The following BAG4 variants were observed in gnomAD, a reference collection of about 807,000 sequenced individuals.
The protein encoded by BAG4 is BAG cochaperone 4.
A neutral mutation model predicts 52.1 loss-of-function variants in BAG4; 28 were observed. That is an observed-to-expected ratio of 0.54 (90% CI 0.40 to 0.74). BAG4 has a LOEUF of 0.74. Ranked by LOEUF, BAG4 falls within the 30% of genes least tolerant of loss-of-function variation. BAG4 has a pLI of 0.00. For missense variants in BAG4, 525 were observed against 572.0 expected (o/e 0.92, Z 0.84); for synonymous variants, 208 against 217.0 (o/e 0.96, Z 0.37).
rs559343703 is a variant in BAG4, at chr8:38,194,582, A to C, written c.378+1787A>C. On this transcript the variant is annotated intron_variant, in intron 2 of 4. Coordinates refer to ENST00000287322, the MANE Select transcript of BAG4 (RefSeq NM_004874.4). ...AGGTGTCTGCCACCATGCCCGGCTA[A>C]TTTTTGTATTTTTAATAGAGATGGG... is the stretch of plus-strand genomic sequence containing the variant. 2.9e-4 allele frequency among the ~76,000 whole-genome samples: 43 copies of C among 149,682 alleles called. No homozygotes were observed. The South Asian group carries it at 3.2e-3, about 11-fold the overall frequency.
chr8:38,185,401 G>A (rs1803348467), intron 1 of BAG4, among the ~76,000 whole-genome samples: 1 of 152,070 alleles, frequency 6.6e-6, no homozygotes, highest in South Asian at 2.1e-4. Flanking sequence ...TAACAATAAT[G>A]TATAAAATAA....
intron 1 of BAG4, among the ~76,000 whole-genome samples, chr8:38,184,009 A>T (rs1197055440): frequency 6.6e-6 from 1 of 152,224 alleles, no homozygotes; most frequent in Non-Finnish European, 1.5e-5. Flanking sequence ...CAGAAACCAC[A>T]CTAGTTAGAA....
chr8:38,209,380 G>C, intron 4 of BAG4, 113 bp downstream of exon 4: 1 of 1,423,024 alleles, frequency 7.0e-7, no homozygotes, highest in Non-Finnish European at 9.5e-7. Context: ...ACAAAAAGTT[G>C]GTGACTACTT....
At position 38,212,545 on chromosome 8, in the gene BAG4, G is replaced by A. The variant is rs886976079; in HGVS notation, c.*2052G>A. ...CTAACTAAAGTAGAAAGTTTAAAAA[G>A]TAGAGATTTTAGTCTTTTCACTAAT... On this transcript the variant is annotated 3_prime_UTR_variant, in exon 5 of 5. Transcript: ENST00000287322. 5 of 152,160 alleles carry A rather than the reference G, an allele frequency of 3.3e-5. No individual in the cohort carries two copies. Among genetic ancestry groups the A allele is most frequent in the Non-Finnish European group, 7.4e-5 (5 of 68,014 alleles). 9.4% of individuals were successfully genotyped at this position (152,160 alleles called of 1,614,324 possible).
At chr8:38,183,654 CT>C (rs1803312385) in intron 1 of BAG4, among the ~76,000 whole-genome samples, 1 of 152,072 alleles carries the variant, frequency 6.6e-6, no homozygotes, top group Non-Finnish European at 1.5e-5. Context: ...TTCTTGGCTT[CT>C]GATTCCTTTG....
At position 38,212,655 on chromosome 8, in the gene BAG4, C is replaced by A. The variant is rs1803883642; in HGVS notation, c.*2162C>A. The A allele has an allele frequency of 6.6e-6, 1 of 152,190 alleles. No homozygotes were observed. The highest frequency in any genetic ancestry group is 6.6e-5 in the Admixed American group (1 of 15,266). The allele number at this position is 152,190 out of a possible 1,614,324, so 9.4% of individuals were successfully genotyped here. A position where few individuals can be genotyped will look rare whatever the true frequency, so the allele number is the denominator to read the frequency against. Reference sequence around the variant, plus strand: ...TCCAGTCTGTGACAGTGTATCATAACAGGGGATACCTGATGTTGTAATGTA... The same window carrying A: ...TCCAGTCTGTGACAGTGTATCATAAAAGGGGATACCTGATGTTGTAATGTA... On this transcript the variant is annotated 3_prime_UTR_variant, in exon 5 of 5. Coordinates refer to ENST00000287322, the MANE Select transcript of BAG4 (RefSeq NM_004874.4).
chr8:38,197,668 C>T (rs4379415), intron 2 of BAG4, among the ~76,000 whole-genome samples: 36,424 of 152,094 alleles, frequency 0.24, 4,541 homozygotes, highest in East Asian at 0.31. Flanking sequence ...TCAATAAATA[C>T]TGTAACTTTT....
At chr8:38,190,447 G>A (rs1803455636) in intron 1 of BAG4, among the ~76,000 whole-genome samples, 1 of 151,248 alleles carries the variant, frequency 6.6e-6, no homozygotes, top group African/African-American at 2.4e-5. Context: ...TTAAAGATGG[G>A]GTCTTACTCT....
intron 2 of BAG4, among the ~76,000 whole-genome samples, chr8:38,201,421 C>T (rs1208535927): frequency 6.6e-6 from 1 of 152,144 alleles, no homozygotes; most frequent in Non-Finnish European, 1.5e-5. Flanking sequence ...AAGTGATCCT[C>T]CTGTCTCAGT....
chr8:38,194,768 TA>T (rs1437329512), intron 2 of BAG4, among the ~76,000 whole-genome samples: 16 of 151,688 alleles, frequency 1.1e-4, no homozygotes, highest in African/African-American at 3.9e-4. Context: ...ATGGTTGTAC[TA>T]ACAAAGGAGT....
At chr8:38,186,183 C>T (rs903011570) in intron 1 of BAG4, among the ~76,000 whole-genome samples, 1 of 152,096 alleles carries the variant, frequency 6.6e-6, no homozygotes, top group Admixed American at 6.6e-5. Context: ...GTCCCTACTC[C>T]TAGGATGGAG....
chr8:38,204,714 C>T (rs138919540), intron 2 of BAG4, among the ~76,000 whole-genome samples: 1 of 151,634 alleles, frequency 6.6e-6, no homozygotes, highest in Admixed American at 6.6e-5. Flanking sequence ...ACAAAAGCCA[C>T]ATAAAAGCAA....
intron 2 of BAG4, chr8:38,203,901 C>T (rs1174682695): frequency 6.6e-6 from 1 of 152,124 alleles, no homozygotes; most frequent in Non-Finnish European, 1.5e-5. Context: ...GAGATCCCCT[C>T]CTTCGTGACC....
rs1213718260 is a variant in BAG4 at position 38,211,966 on chromosome 8, T to G, written c.*1473T>G. Reference sequence around the variant, plus strand: ...TCCCCTAGACTGTCAGGCCTATGAGTAAATACTAAATCTATTAGCTGTCCC... The same window carrying G: ...TCCCCTAGACTGTCAGGCCTATGAGGAAATACTAAATCTATTAGCTGTCCC... On this transcript the variant is annotated 3_prime_UTR_variant, in exon 5 of 5. Coordinates refer to ENST00000287322, the MANE Select transcript of BAG4 (RefSeq NM_004874.4). The G allele has an allele frequency of 6.6e-6, 1 of 152,040 alleles. No individual in the cohort carries two copies. The highest frequency in any genetic ancestry group is 2.4e-5 in the African/African-American group (1 of 41,412). 9.4% of individuals were successfully genotyped at this position (152,040 alleles called of 1,614,324 possible).
At chr8:38,203,370 C>T (rs1285731560) in intron 2 of BAG4, among the ~76,000 whole-genome samples, 1 of 151,358 alleles carries the variant, frequency 6.6e-6, no homozygotes, top group Non-Finnish European at 1.5e-5. Context: ...GCAAGCTCCG[C>T]CTCCCGAGTT....
chr8:38,178,803 G>A (rs184014957), intron 1 of BAG4, among the ~76,000 whole-genome samples: 1 of 152,064 alleles, frequency 6.6e-6, no homozygotes, highest in African/African-American at 2.4e-5. Context: ...GGGGACTGGC[G>A]GTGTAGGTGA....
At chr8:38,190,600 A>T (rs376253906) in intron 1 of BAG4, among the ~76,000 whole-genome samples, 81 of 131,214 alleles carry the variant, frequency 6.2e-4, no homozygotes, top group African/African-American at 1.5e-3. Flanking sequence ...CCCACCTGAC[A>T]TTTTTTTTTT....
At chr8:38,206,774 A>AT (rs902476452) in intron 2 of BAG4, among the ~76,000 whole-genome samples, 20 of 151,734 alleles carry the variant, frequency 1.3e-4, no homozygotes, top group Non-Finnish European at 2.7e-4. Context: ...TTTTTAAATA[A>AT]TTTTTTTGTT....
In BAG4 at chr8:38,199,197, A is replaced by G. The variant is rs567616466; in HGVS notation, c.378+6402A>G. ...GTCACCATAAACAGGTGAGTAATGC[A>G]TTGTGCTATCCATATGACAGCTACA... is the stretch of plus-strand genomic sequence containing the variant. On this transcript the variant is annotated intron_variant, in intron 2 of 4. Transcript: ENST00000287322. Among the ~76,000 whole-genome samples the G allele has an allele frequency of 2.0e-5, 3 of 152,362 alleles. No individual in the cohort carries two copies. In the South Asian group the frequency reaches 6.2e-4, roughly 32 times the overall value.
Sources: gnomAD v4.1 joint callset for allele counts (sites outside exome capture counted in the v4.1 genomes callset) on GRCh38, gnomAD v4.1.1 for gene constraint, MANE v1.5 for transcripts, NCBI Gene and HGNC (gene_info 2026-07-23, HGNC 2026-07-21) for gene names.